Variants in GABRB1 observed in about 807,000 individuals in gnomAD.
GABRB1 encodes the protein gamma-aminobutyric acid type A receptor subunit beta1, also known as gamma-aminobutyric acid receptor subunit beta-1.
A neutral mutation model predicts 51.6 loss-of-function variants in GABRB1; 17 were observed. The observed-to-expected ratio is 0.33, with a 90% CI of 0.23 to 0.49. The LOEUF (loss-of-function observed/expected upper bound fraction) is 0.49. Among genes scored for constraint, GABRB1 ranks in the 20% least tolerant of loss-of-function variants. The pLI is 0.99. For synonymous variants in GABRB1, 247 were observed against 218.9 expected (o/e 1.13, Z -1.14); for missense variants, 410 against 600.6 (o/e 0.68, Z 3.32).
At chr4:47,218,437 A>G (rs1321494267) in intron 4 of GABRB1, among the ~76,000 whole-genome samples, 1 of 151,846 alleles carries the variant, frequency 6.6e-6, no homozygotes, top group African/African-American at 2.4e-5. Context: ...TGGCTACACT[A>G]ACTTACATTT....
chr4:47,236,068 A>G (rs1721323421), intron 4 of GABRB1, among the ~76,000 whole-genome samples: 1 of 152,122 alleles, frequency 6.6e-6, no homozygotes, highest in African/African-American at 2.4e-5. Flanking sequence ...ATTGGACAAT[A>G]TGTTTCAGAT....
intron 5 of GABRB1, among the ~76,000 whole-genome samples, chr4:47,353,169 A>G (rs532380614): frequency 6.6e-6 from 1 of 152,316 alleles, no homozygotes; most frequent in East Asian, 1.9e-4. Flanking sequence ...CCATGATTCA[A>G]ATTATCTCCC....
intron 5 of GABRB1, among the ~76,000 whole-genome samples, chr4:47,399,736 T>TC (rs1025268959): frequency 1.3e-5 from 2 of 152,202 alleles, no homozygotes; most frequent in Admixed American, 1.3e-4. Context: ...CTTTTGGGTC[T>TC]CATAGTTGCT....
intron 4 of GABRB1, among the ~76,000 whole-genome samples, chr4:47,212,627 C>A (rs564127274): frequency 6.6e-6 from 1 of 151,812 alleles, no homozygotes; most frequent in Non-Finnish European, 1.5e-5. Context: ...TGCAGTGAGC[C>A]GAGATCGTGT....
chr4:47,087,764 G>A (rs916147145), intron 3 of GABRB1, among the ~76,000 whole-genome samples: 3 of 152,164 alleles, frequency 2.0e-5, no homozygotes, highest in Non-Finnish European at 2.9e-5. Context: ...TCTGAAATTA[G>A]CATCCTGTTT....
intron 4 of GABRB1, among the ~76,000 whole-genome samples, chr4:47,184,118 T>A (rs1719068483): frequency 6.6e-6 from 1 of 151,932 alleles, no homozygotes; most frequent in African/African-American, 2.4e-5. Context: ...TGACCACACC[T>A]GGTCACTCTA....
intron 4 of GABRB1, among the ~76,000 whole-genome samples, chr4:47,285,034 C>A (rs887804183): frequency 2.0e-5 from 3 of 152,176 alleles, no homozygotes; most frequent in Non-Finnish European, 4.4e-5. Context: ...CTAAGAATGT[C>A]TTCTTATAGT....
At chr4:47,059,945 A>G (rs1212739469) in intron 3 of GABRB1, among the ~76,000 whole-genome samples, 1 of 152,192 alleles carries the variant, frequency 6.6e-6, no homozygotes, top group Non-Finnish European at 1.5e-5. Flanking sequence ...AGTCCAAATC[A>G]TCATTGCCAT....
At chr4:47,145,539 G>A (rs1717128261) in intron 3 of GABRB1, among the ~76,000 whole-genome samples, 1 of 151,550 alleles carries the variant, frequency 6.6e-6, no homozygotes, top group Non-Finnish European at 1.5e-5. Flanking sequence ...GAAAGAAAAT[G>A]GAGAGAGAGA....
intron 4 of GABRB1, among the ~76,000 whole-genome samples, chr4:47,230,089 T>C (rs907786789): frequency 6.6e-6 from 1 of 152,182 alleles, no homozygotes; most frequent in African/African-American, 2.4e-5. Context: ...CTGAATTCTA[T>C]AGAAAATATA....
chr4:47,044,658 A>G (rs918473384), intron 3 of GABRB1, among the ~76,000 whole-genome samples: 1 of 152,058 alleles, frequency 6.6e-6, no homozygotes, highest in Admixed American at 6.6e-5. Flanking sequence ...TTTCATATTT[A>G]TCTCTCAGGC....
chr4:47,259,651 G>T (rs984022675), intron 4 of GABRB1, among the ~76,000 whole-genome samples: 1 of 152,136 alleles, frequency 6.6e-6, no homozygotes, highest in Non-Finnish European at 1.5e-5. Flanking sequence ...ATTAGCTCAA[G>T]GTTATATGAC....
intron 3 of GABRB1, among the ~76,000 whole-genome samples, chr4:47,063,053 T>C (rs920048527): frequency 6.6e-6 from 1 of 152,186 alleles, no homozygotes; most frequent in Non-Finnish European, 1.5e-5. Flanking sequence ...GTTTATGGCT[T>C]TCTCTCTTAA....
At chr4:47,071,099 T>C (rs1449920181) in intron 3 of GABRB1, among the ~76,000 whole-genome samples, 1 of 152,196 alleles carries the variant, frequency 6.6e-6, no homozygotes, top group Non-Finnish European at 1.5e-5. Context: ...GGGGTCAACT[T>C]TGATGTCTCT....
At chr4:47,160,753 A>ATTAT (rs3050706) in intron 3 of GABRB1, among the ~76,000 whole-genome samples, 273 of 147,822 alleles carry the variant, frequency 1.8e-3, no homozygotes, top group East Asian at 4.4e-3. Flanking sequence ...TAGTACTTTT[A>ATTAT]TTATTTATTT....
At position 47,302,784 on chromosome 4, in the gene GABRB1, G is replaced by C. The variant is rs181284227; in HGVS notation, c.462-17343G>C. 1.4e-4 allele frequency among the ~76,000 whole-genome samples: 22 copies of C among 152,024 alleles called. No homozygotes were observed. The East Asian group carries it at 3.9e-3, about 27-fold the overall frequency. On this transcript the variant is annotated intron_variant, in intron 4 of 8. Transcript: ENST00000295454. The stretch of plus-strand genomic sequence containing the variant: ...CATTTAAATAGGCAAGGTACCAAAA[G>C]AGCCTTTCATTCAGATTAATTAATT...
rs529655427 is a variant in GABRB1, at chr4:47,112,760, A to G, written c.241-48489A>G. Among the ~76,000 whole-genome samples the G allele has an allele frequency of 7.8e-4, 118 of 152,228 alleles. No homozygotes were observed. In the Middle Eastern group the frequency reaches 0.01, roughly 13 times the overall value. On this transcript the variant is annotated intron_variant, in intron 3 of 8. Coordinates refer to ENST00000295454, the MANE Select transcript of GABRB1 (RefSeq NM_000812.4). The stretch of plus-strand genomic sequence containing the variant: ...GTATTAAGCACAGTGAAATAAAAAA[A>G]AAAAATCCTGCCTTGTGGAGCTTAT...
In GABRB1 at chr4:47,297,701, C is replaced by T. The variant is rs1156774202; in HGVS notation, c.462-22426C>T. Among the ~76,000 whole-genome samples, 3 of 152,290 alleles carry T rather than the reference C, an allele frequency of 2.0e-5. No homozygotes were observed. The South Asian group carries it at 6.2e-4, about 32-fold the overall frequency. On this transcript the variant is annotated intron_variant, in intron 4 of 8. Transcript: ENST00000295454. ...GGTACAAGGAGGAACTGGTACCATT[C>T]CTTCTGAAACTATTCCAATCAATAG...
chr4:47,361,423 G>A (rs143686411), intron 5 of GABRB1, among the ~76,000 whole-genome samples: 1 of 152,270 alleles, frequency 6.6e-6, no homozygotes, highest in Non-Finnish European at 1.5e-5. Flanking sequence ...GCTGAAGCCA[G>A]GGTAGCTAAA....
Sources: gnomAD v4.1 joint callset for allele counts (sites outside exome capture counted in the v4.1 genomes callset) on GRCh38, gnomAD v4.1.1 for gene constraint, MANE v1.5 for transcripts, NCBI Gene and HGNC (gene_info 2026-07-23, HGNC 2026-07-21) for gene names.